The following CUX1 variants were observed in gnomAD, a reference collection of about 807,000 sequenced individuals.
CUX1 encodes the protein protein CASP.
Under a neutral mutation model 158.8 loss-of-function variants are expected in CUX1, and 31 were observed. That is an observed-to-expected ratio of 0.20 (90% CI 0.15 to 0.26). The LOEUF is 0.26. CUX1 is among the 10% of genes least tolerant of loss of function. CUX1 has a pLI of 1.00. For missense variants in CUX1, 1,589 were observed against 2,014.6 expected, an observed-to-expected ratio of 0.79 and a Z score of 4.04; for synonymous variants, 879 against 862.1, an observed-to-expected ratio of 1.02 and a Z score of -0.34.
At chr7:101,848,364 T>C (rs919093155) in intron 1 of CUX1, among the ~76,000 whole-genome samples, 1 of 152,208 alleles carries the variant, frequency 6.6e-6, no homozygotes, top group African/African-American at 2.4e-5. Flanking sequence ...CATCAAATGT[T>C]CAGTGGGCAA....
chr7:101,909,585 T>A (rs1276357548), intron 1 of CUX1, among the ~76,000 whole-genome samples: 3 of 152,274 alleles, frequency 2.0e-5, no homozygotes, highest in Non-Finnish European at 4.4e-5. Flanking sequence ...TGATCTATTT[T>A]TTTCACTAGC....
rs573137594 is a variant in CUX1, at chr7:102,141,755, T to G, written c.675-16805T>G. ...CTCCCACCTTAGCCTCCCGAGTAGC[T>G]GGGATTACAGGTGCACACCACCACT... is the stretch of plus-strand genomic sequence containing the variant. On this transcript the variant is annotated intron_variant, in intron 8 of 23. Transcript: ENST00000292535. 2.0e-5 allele frequency among the ~76,000 whole-genome samples: 3 copies of G among 150,180 alleles called. No individual in the cohort carries two copies. The South Asian group carries it at 6.3e-4, about 32-fold the overall frequency.
chr7:102,079,169 G>A (rs1827092420), intron 4 of CUX1, among the ~76,000 whole-genome samples: 1 of 152,190 alleles, frequency 6.6e-6, no homozygotes, highest in Non-Finnish European at 1.5e-5. Context: ...CTGGCGTGGT[G>A]ACTCACGCCT....
intron 2 of CUX1, among the ~76,000 whole-genome samples, chr7:101,997,399 A>G (rs1344295582): frequency 1.3e-5 from 2 of 152,206 alleles, no homozygotes; most frequent in Admixed American, 1.3e-4. Flanking sequence ...GTTGGAGCGC[A>G]GTGGTGCAAT....
intron 2 of CUX1, among the ~76,000 whole-genome samples, chr7:101,940,943 G>A (rs1201010436): frequency 1.3e-5 from 2 of 152,204 alleles, no homozygotes; most frequent in African/African-American, 4.8e-5. Context: ...CAATCCATTA[G>A]CGAGGCCAGC....
At position 102,256,655 on chromosome 7, in the gene CUX1, A is replaced by G. The variant is rs1057284807; in HGVS notation, c.*7613A>G. On this transcript the variant is annotated 3_prime_UTR_variant, in exon 24 of 24. Coordinates refer to ENST00000292535, the MANE Select transcript of CUX1 (RefSeq NM_181552.4). ...ACGTGTGAGGGAGTTGCTGAGTTGA[A>G]GAATGCTCGCTTGAGGAGCTTCAGA... The G allele has an allele frequency of 1.5e-5, 15 of 985,464 alleles. No individual in the cohort carries two copies. Among genetic ancestry groups the G allele is most frequent in the Non-Finnish European group, 1.8e-5 (15 of 829,944 alleles). 61.0% of individuals were successfully genotyped at this position (985,464 alleles called of 1,614,324 possible).
intron 1 of CUX1, chr7:101,913,342 G>T: frequency 7.9e-7 from 1 of 1,263,048 alleles, no homozygotes; most frequent in Non-Finnish European, 1.0e-6. Flanking sequence ...ATATGTCTGC[G>T]GGCACGGGGA....
At chr7:101,824,099 A>T (rs2130941164) in intron 1 of CUX1, among the ~76,000 whole-genome samples, 1 of 152,110 alleles carries the variant, frequency 6.6e-6, no homozygotes, top group East Asian at 1.9e-4. Flanking sequence ...TTTTTATTTT[A>T]TTTTTTGAGA....
At chr7:102,227,008 G>T (rs1326706820) in intron 20 of CUX1, among the ~76,000 whole-genome samples, 1 of 152,138 alleles carries the variant, frequency 6.6e-6, no homozygotes, top group Non-Finnish European at 1.5e-5. Context: ...CACAAGTTAT[G>T]ATCTAGCCAA....
chr7:102,189,768 C>G lies in CUX1; in HGVS notation c.1018-45C>G, dbSNP rs200297369. The G allele has an allele frequency of 4.4e-5, 71 of 1,605,326 alleles. No individual in the cohort carries two copies. The East Asian group carries it at 1.6e-3, about 36-fold the overall frequency. ...AATGCCGTCGGTGAAGTCCGTCGAC[C>G]TGTTGTCAGGCATGGCCACTGATCA... is the stretch of plus-strand genomic sequence containing the variant. On this transcript the variant is annotated intron_variant, in intron 11 of 23. Transcript: ENST00000292535.
At chr7:102,036,774 A>AC (rs1160642939) in intron 3 of CUX1, among the ~76,000 whole-genome samples, 1 of 151,942 alleles carries the variant, frequency 6.6e-6, no homozygotes, top group East Asian at 1.9e-4. Flanking sequence ...AAAAAAAAAA[A>AC]AACACCGGAA....
chr7:101,973,388 C>G (rs1194161187), intron 2 of CUX1, among the ~76,000 whole-genome samples: 1 of 152,126 alleles, frequency 6.6e-6, no homozygotes, highest in Non-Finnish European at 1.5e-5. Flanking sequence ...CCACCACTGC[C>G]CCCCAGCCCT....
chr7:102,033,965 G>A (rs1373797086), intron 3 of CUX1, among the ~76,000 whole-genome samples: 3 of 151,702 alleles, frequency 2.0e-5, no homozygotes, highest in African/African-American at 4.8e-5. Flanking sequence ...GGCCAACATG[G>A]TGCAACCCCA....
intron 8 of CUX1, chr7:102,153,210 G>T (rs1835884260): frequency 6.6e-6 from 1 of 152,270 alleles, no homozygotes; most frequent in African/African-American, 2.4e-5. Context: ...TCCAGGAGGT[G>T]CCCAAGCCCC....
chr7:101,821,871 T>TTTG, intron 1 of CUX1, among the ~76,000 whole-genome samples: 1 of 144,430 alleles, frequency 6.9e-6, no homozygotes, highest in Non-Finnish European at 1.5e-5. Flanking sequence ...TTTTTTTTTT[T>TTTG]TGAGATGTAG....
intron 8 of CUX1, among the ~76,000 whole-genome samples, chr7:102,145,430 GA>G (rs1834928675): frequency 6.7e-6 from 1 of 149,340 alleles, no homozygotes; most frequent in African/African-American, 2.5e-5. Context: ...ATGATCTCGC[GA>G]TGGTGTCAGG....
downstream of CUX1, among the ~76,000 whole-genome samples, chr7:102,260,825 T>C (rs1186059393): frequency 6.6e-6 from 1 of 152,204 alleles, no homozygotes; most frequent in African/African-American, 2.4e-5. Flanking sequence ...TCTGCAATGG[T>C]CCTGTGTGCT....
chr7:102,128,613 T>TATG (rs1426666612), intron 8 of CUX1, among the ~76,000 whole-genome samples: 2 of 151,536 alleles, frequency 1.3e-5, no homozygotes, highest in African/African-American at 4.8e-5. Flanking sequence ...AGACCTGGGT[T>TATG]TAATTCCCAA....
chr7:102,046,542 C>T (rs1261813128), intron 3 of CUX1, among the ~76,000 whole-genome samples: 2 of 145,642 alleles, frequency 1.4e-5, no homozygotes, highest in African/African-American at 5.2e-5. Flanking sequence ...CCCCATTTCA[C>T]TCCTGTTCTG....
Sources: gnomAD v4.1 joint callset for allele counts (sites outside exome capture counted in the v4.1 genomes callset) on GRCh38, gnomAD v4.1.1 for gene constraint, MANE v1.5 for transcripts, NCBI Gene and HGNC (gene_info 2026-07-23, HGNC 2026-07-21) for gene names.